The following TOGARAM2 variants were observed in gnomAD, a reference collection of about 807,000 sequenced individuals.
TOGARAM2 encodes the protein TOG array regulator of axonemal microtubules protein 2.
In TOGARAM2, 85 loss-of-function variants were observed where a neutral mutation model predicts 93.3. The ratio of observed to expected loss-of-function variants is 0.91; its 90% confidence interval spans 0.76 to 1.09. TOGARAM2 has a LOEUF of 1.09. TOGARAM2 is among the 50% of genes least tolerant of loss of function. The pLI, the probability that TOGARAM2 is intolerant of heterozygous loss-of-function variation, is 0.00. For synonymous variants in TOGARAM2, 593 were observed against 552.8 expected (o/e 1.07, Z -1.02); for missense variants, 1,277 against 1,334.5 (o/e 0.96, Z 0.67).
chr2:28,980,707 G>A (rs1025069034), upstream of TOGARAM2, among the ~76,000 whole-genome samples: 1 of 152,198 alleles, frequency 6.6e-6, no homozygotes, highest in Admixed American at 6.5e-5. Flanking sequence ...AATCTGGTTG[G>A]GACGAAGGCC....
At chr2:29,012,332 G>C (rs1384652663) in intron 7 of TOGARAM2, among the ~76,000 whole-genome samples, 1 of 152,222 alleles carries the variant, frequency 6.6e-6, no homozygotes, top group African/African-American at 2.4e-5. Context: ...AGTTGGCGAA[G>C]GGGGGTGGCT....
Position 29,005,992 on chromosome 2 carries a change from T to TGGAGTGTGTGTGC in TOGARAM2, c.830+2310_830+2311insGGAGTGTGTGTGC, listed in dbSNP as rs139827832. Among the ~76,000 whole-genome samples the TGGAGTGTGTGTGC allele has an allele frequency of 9.0e-5, 13 of 145,156 alleles. 1 individual carries two copies. In the East Asian group the frequency reaches 2.1e-3, roughly 24 times the overall value. On this transcript the variant is annotated intron_variant, in intron 6 of 19. Coordinates refer to ENST00000379558, the MANE Select transcript of TOGARAM2 (RefSeq NM_199280.4). Reference sequence around the variant, plus strand: ...GTGTGAGACCGTATGAGTGCATGTGTAGGGTGTGTATGTGTGCGTGTGTGT... The same window carrying TGGAGTGTGTGTGC: ...GTGTGAGACCGTATGAGTGCATGTGTGGAGTGTGTGTGCAGGGTGTGTATGTGTGCGTGTGTGT...
intron 18 of TOGARAM2, among the ~76,000 whole-genome samples, chr2:29,043,496 T>G (rs2148393452): frequency 6.6e-6 from 1 of 152,322 alleles, no homozygotes; most frequent in South Asian, 2.1e-4. Flanking sequence ...CTAAAAACTC[T>G]GTCCCCTGTA....
intron 1 of TOGARAM2, among the ~76,000 whole-genome samples, chr2:28,958,740 T>G (rs556444180): frequency 1.3e-5 from 2 of 152,300 alleles, no homozygotes; most frequent in East Asian, 1.9e-4. Flanking sequence ...TTGTCGGGAT[T>G]GTCCAGGTTA....
At chr2:28,962,950 G>A (rs1416270011) in intron 1 of TOGARAM2, among the ~76,000 whole-genome samples, 1 of 151,706 alleles carries the variant, frequency 6.6e-6, no homozygotes, top group Non-Finnish European at 1.5e-5. Context: ...AGCCTCCTGA[G>A]TAGCTGAGAC....
intron 1 of TOGARAM2, among the ~76,000 whole-genome samples, chr2:28,964,436 T>A (rs1671840129): frequency 6.6e-6 from 1 of 151,904 alleles, no homozygotes; most frequent in South Asian, 2.1e-4. Flanking sequence ...TTTCAAAGTG[T>A]TTTTCTTGTA....
At position 29,003,680 on chromosome 2, in the gene TOGARAM2, G is replaced by A. The variant is rs769111460; in HGVS notation, c.828G>A (p.Thr276=). 1.2e-4 allele frequency: 176 copies of A among 1,524,630 alleles called. No homozygotes were observed. The highest frequency in any genetic ancestry group is 1.4e-4 in the Non-Finnish European group (158 of 1,136,288). 94.4% of individuals were successfully genotyped at this position (1,524,630 alleles called of 1,614,324 possible). A position where few individuals can be genotyped will look rare whatever the true frequency, so the allele number is the denominator to read the frequency against. ...GVLTGLRAPR[T]RLARGSGPRE... ...TCACAGGCCTGAGGGCCCCACGCAC[G>A]CGGTAAGAGCTCCAAGTCAAACCTT... The change falls in exon 6 of 20, where the codon ACG becomes ACA. Residue 276 remains threonine, a splice_region_variant and synonymous_variant. Transcript: ENST00000379558.
intron 10 of TOGARAM2, among the ~76,000 whole-genome samples, chr2:29,018,729 C>T (rs1042472457): frequency 6.6e-6 from 1 of 152,028 alleles, no homozygotes; most frequent in South Asian, 2.1e-4. Context: ...TTTAGCACCT[C>T]TTTTTTTATT....
At chr2:29,041,507 G>T (rs1184295936) in intron 18 of TOGARAM2, among the ~76,000 whole-genome samples, 1 of 152,182 alleles carries the variant, frequency 6.6e-6, no homozygotes, top group African/African-American at 2.4e-5. Flanking sequence ...ACTCCAGTCC[G>T]ACTCCAGTTT....
chr2:29,050,906 T>G (rs907816544), intron 19 of TOGARAM2: 2 of 152,586 alleles, frequency 1.3e-5, no homozygotes, highest in Admixed American at 1.3e-4. Context: ...GGTTGGCAGA[T>G]TCAGCTGGCT....
rs1433142645 is a variant in TOGARAM2 at position 29,014,258 on chromosome 2, A to G, written c.878-137A>G. ...CTGCCAGTGCTGCCCTGTACAGTAA[A>G]CCTAACTCAGGTCTTGCTCCATTGA... On this transcript the variant is annotated intron_variant, in intron 7 of 19. Coordinates refer to ENST00000379558, the MANE Select transcript of TOGARAM2 (RefSeq NM_199280.4). The G allele has an allele frequency of 1.3e-5, 13 of 1,036,246 alleles. 1 individual carries two copies. The highest frequency in any genetic ancestry group is 9.7e-5 in the Admixed American group (4 of 41,310). The allele number at this position is 1,036,246 out of a possible 1,614,324, so 64.2% of individuals were successfully genotyped here. A position where few individuals can be genotyped will look rare whatever the true frequency, so the allele number is the denominator to read the frequency against.
intron 11 of TOGARAM2, among the ~76,000 whole-genome samples, chr2:29,022,833 G>C (rs758731025): frequency 1.2e-4 from 18 of 152,220 alleles, no homozygotes; most frequent in Non-Finnish European, 2.2e-4. Context: ...GTCCTGGAGG[G>C]GGGTGGGCTT....
In TOGARAM2 at chr2:29,002,855, C is replaced by T. The variant is rs2148289540; in HGVS notation, c.639+108C>T. ...CCCCTGACTCCATGCCCTGAGCATC[C>T]CTGGAGGTGTCTTGAGGTCTGCAGT... is the stretch of plus-strand genomic sequence containing the variant. On this transcript the variant is annotated intron_variant, in intron 5 of 19. Transcript: ENST00000379558. 6 of 1,075,674 alleles carry T rather than the reference C, an allele frequency of 5.6e-6. No homozygotes were observed. In the South Asian group the frequency reaches 6.1e-5, roughly 11 times the overall value. 66.6% of individuals were successfully genotyped at this position (1,075,674 alleles called of 1,614,324 possible).
chr2:29,018,461 C>G (rs149317051), intron 10 of TOGARAM2: 6 of 143,170 alleles, frequency 4.2e-5, no homozygotes, highest in African/African-American at 1.5e-4. Flanking sequence ...ACCAGAGGAG[C>G]TTCTATGTTG....
rs759588871 is a variant in TOGARAM2, at chr2:29,002,704, G to A, written c.596G>A (p.Gly199Glu). Residue 199 changes from glycine (G) to glutamate (E), a missense_variant, in exon 5 of 20, where the codon GGG becomes GAG. Physicochemically the swap from Gly to Glu is moderately conservative, Grantham distance 98. Transcript: ENST00000379558. ...AAAGAGAAGGGCCTGGACCTACCGG[G>A]GAGCATTCCGGGTCCTCACGAGTTG... The part of the protein sequence containing the change: ...GVKEKGLDLP[G>E]SIPGPHELRP... 1 of 1,613,922 alleles carries A rather than the reference G, an allele frequency of 6.2e-7. No homozygotes were observed. Among genetic ancestry groups the A allele is most frequent in the Admixed American group, 1.7e-5 (1 of 60,020 alleles).
chr2:29,032,777 T>C (rs769272811), intron 14 of TOGARAM2, 157 bp from the exon 15 acceptor site: 2 of 597,778 alleles, frequency 3.3e-6, no homozygotes, highest in East Asian at 2.8e-5. Flanking sequence ...TGATGTTTAT[T>C]TTATTAATCT....
chr2:28,999,599 A>T (rs972276405), intron 4 of TOGARAM2, 131 bp downstream of exon 4: 4 of 1,055,040 alleles, frequency 3.8e-6, no homozygotes, highest in Non-Finnish European at 5.3e-6. Flanking sequence ...CGGTGGGTAC[A>T]TACCAGGTAC....
At chr2:28,992,210 A>G (rs991710410) in intron 1 of TOGARAM2, among the ~76,000 whole-genome samples, 2 of 152,044 alleles carry the variant, frequency 1.3e-5, no homozygotes, top group African/African-American at 4.8e-5. Flanking sequence ...TTCAGTTCCT[A>G]CAGGTCCCTG....
chr2:28,973,554 G>T (rs761551404), intron 1 of TOGARAM2, among the ~76,000 whole-genome samples: 1 of 139,224 alleles, frequency 7.2e-6, no homozygotes, highest in Non-Finnish European at 1.5e-5. Context: ...TCACAGTCTC[G>T]CTTTGTTACC....
Sources: gnomAD v4.1 joint callset for allele counts (sites outside exome capture counted in the v4.1 genomes callset) on GRCh38, gnomAD v4.1.1 for gene constraint, MANE v1.5 for transcripts, NCBI Gene and HGNC (gene_info 2026-07-23, HGNC 2026-07-21) for gene names.